The following MMS22L variants were observed in gnomAD, a reference collection of about 807,000 sequenced individuals.
MMS22L encodes MMS22 like, DNA repair protein, also known as protein MMS22-like.
A neutral mutation model predicts 159.1 loss-of-function variants in MMS22L; 74 were observed. The observed-to-expected ratio is 0.47, with a 90% CI of 0.39 to 0.56. The LOEUF (loss-of-function observed/expected upper bound fraction) is 0.56. Among genes scored for constraint, MMS22L ranks in the 20% least tolerant of loss-of-function variants. MMS22L has a pLI of 0.00. For synonymous variants in MMS22L, 517 were observed against 506.9 expected, an observed-to-expected ratio of 1.02 and a Z score of -0.27; for missense variants, 1,351 against 1,422.1, an observed-to-expected ratio of 0.95 and a Z score of 0.80.
chr6:97,189,565 AAAAAAAAAAAAAAAGAATAATTAATT>A (rs1471935336), intron 14 of MMS22L, among the ~76,000 whole-genome samples: 1 of 148,702 alleles, frequency 6.7e-6, no homozygotes, highest in East Asian at 1.9e-4. Flanking sequence ...AAAAAAAAAA[AAAAAAAAAAAAAAAGAATAATTAATT>A]AAAAAAAAAA....
intron 14 of MMS22L, among the ~76,000 whole-genome samples, chr6:97,195,824 C>T (rs184371743): frequency 6.6e-6 from 1 of 152,170 alleles, no homozygotes; most frequent in African/African-American, 2.4e-5. Context: ...AATTAAGAAG[C>T]TTCTGTAAAC....
At chr6:97,222,674 C>T (rs1004131881) in intron 14 of MMS22L, among the ~76,000 whole-genome samples, 7 of 151,982 alleles carry the variant, frequency 4.6e-5, no homozygotes, top group Non-Finnish European at 8.8e-5. Context: ...TTTGAAATCA[C>T]TCACCCTTAC....
intron 14 of MMS22L, among the ~76,000 whole-genome samples, chr6:97,210,686 T>C (rs1420827281): frequency 1.3e-5 from 2 of 151,970 alleles, no homozygotes; most frequent in Non-Finnish European, 2.9e-5. Flanking sequence ...TTAGTCCATA[T>C]AGAAATCATG....
intron 14 of MMS22L, among the ~76,000 whole-genome samples, chr6:97,193,822 A>C (rs761854051): frequency 2.6e-5 from 4 of 151,968 alleles, no homozygotes; most frequent in Non-Finnish European, 4.4e-5. Context: ...GTGCAGTGGC[A>C]AGATCTCGGC....
chr6:97,186,630 CTG>C lies in MMS22L; in HGVS notation c.2098_2099del (p.Gln700ValfsTer6), dbSNP rs1805266656. On this transcript the variant is annotated frameshift_variant, in exon 15 of 25. Transcript: ENST00000683635. LOFTEE classifies it high-confidence loss of function. ...GGCGCTCTTTAGCCGATAATGAAGA[CTG>C]TACAAATAGGTCCACATTGTCCCTT... ...LQRDNVDLFV[Q>X]SSLSAKERHL... 3 of 1,610,354 alleles carry C rather than the reference CTG, an allele frequency of 1.9e-6. No individual in the cohort carries two copies. The highest frequency in any genetic ancestry group is 2.5e-6 in the Non-Finnish European group (3 of 1,178,448).
intron 15 of MMS22L, among the ~76,000 whole-genome samples, chr6:97,184,576 T>A (rs1438242512): frequency 1.3e-5 from 2 of 152,158 alleles, no homozygotes; most frequent in African/African-American, 4.8e-5. Flanking sequence ...CAAATGGCTA[T>A]AGTTACCCTT....
intron 14 of MMS22L, among the ~76,000 whole-genome samples, chr6:97,188,826 A>G (rs888839382): frequency 1.3e-5 from 2 of 152,012 alleles, no homozygotes; most frequent in African/African-American, 4.8e-5. Flanking sequence ...GCCGGGCATG[A>G]TGGTACACGC....
chr6:97,268,750 A>G (rs988516799), intron 7 of MMS22L, among the ~76,000 whole-genome samples: 3 of 152,180 alleles, frequency 2.0e-5, no homozygotes, highest in Non-Finnish European at 4.4e-5. Flanking sequence ...ACTTATCAGA[A>G]TAAGTCCACT....
At chr6:97,163,127 T>A (rs910802475) in intron 21 of MMS22L, among the ~76,000 whole-genome samples, 1 of 152,050 alleles carries the variant, frequency 6.6e-6, no homozygotes, top group Non-Finnish European at 1.5e-5. Flanking sequence ...TTTTGTTTAC[T>A]GCTGAATTCC....
intron 14 of MMS22L, among the ~76,000 whole-genome samples, chr6:97,225,957 T>C (rs1164194664): frequency 3.3e-5 from 5 of 152,158 alleles, no homozygotes; most frequent in African/African-American, 1.2e-4. Flanking sequence ...ACATTATCAG[T>C]GAGAGTAAAA....
chr6:97,266,658 G>C (rs1449991163), intron 8 of MMS22L: 3 of 152,128 alleles, frequency 2.0e-5, no homozygotes, highest in Non-Finnish European at 4.4e-5. Context: ...CTACTATTCA[G>C]CCTTGAGAAG....
intron 14 of MMS22L, among the ~76,000 whole-genome samples, chr6:97,216,883 C>T (rs1357882676): frequency 1.3e-5 from 2 of 152,216 alleles, no homozygotes; most frequent in African/African-American, 4.8e-5. Flanking sequence ...ATTCCAGTGG[C>T]TGGTAAAGAA....
chr6:97,271,287 C>T (rs1815711458), intron 6 of MMS22L: 1 of 152,088 alleles, frequency 6.6e-6, no homozygotes, highest in Non-Finnish European at 1.5e-5. Flanking sequence ...TTCTGAGCTT[C>T]AAATAACCTA....
At chr6:97,225,654 G>A (rs1395477071) in intron 14 of MMS22L, among the ~76,000 whole-genome samples, 1 of 150,594 alleles carries the variant, frequency 6.6e-6, no homozygotes, top group African/African-American at 2.5e-5. Flanking sequence ...CTCACTGCAA[G>A]CTCCGCCTCC....
In MMS22L at chr6:97,144,909, A is replaced by C. The variant is rs3798287; in HGVS notation, c.*1897T>G. 1 of 152,036 alleles carries C rather than the reference A, an allele frequency of 6.6e-6. No individual in the cohort carries two copies. The highest frequency in any genetic ancestry group is 1.5e-5 in the Non-Finnish European group (1 of 67,980). 9.4% of individuals were successfully genotyped at this position (152,036 alleles called of 1,614,324 possible). A position where few individuals can be genotyped will look rare whatever the true frequency, so the allele number is the denominator to read the frequency against. On this transcript the variant is annotated 3_prime_UTR_variant, in exon 25 of 25. Transcript: ENST00000683635. ...TTAGTTATTCTTAGTATCTATAGAT[A>C]TATGTCCTAAAGCATGATTCAGTAG...
intron 14 of MMS22L, among the ~76,000 whole-genome samples, chr6:97,197,892 T>C (rs1019961782): frequency 2.0e-5 from 3 of 152,154 alleles, no homozygotes; most frequent in African/African-American, 7.2e-5. Context: ...TTAATTTTCT[T>C]CCTCCTCCCA....
intron 14 of MMS22L, among the ~76,000 whole-genome samples, chr6:97,194,810 G>A (rs1411705931): frequency 6.6e-6 from 1 of 152,170 alleles, no homozygotes; most frequent in East Asian, 1.9e-4. Flanking sequence ...GGATAGGTAA[G>A]GAGTGTTTAG....
intron 14 of MMS22L, among the ~76,000 whole-genome samples, chr6:97,212,148 C>T (rs1421856120): frequency 6.6e-6 from 1 of 152,150 alleles, no homozygotes; most frequent in East Asian, 1.9e-4. Flanking sequence ...CTGTGGGGCA[C>T]TTAAGAGCAG....
At chr6:97,156,100 C>G (rs946472463) in intron 22 of MMS22L, among the ~76,000 whole-genome samples, 1 of 152,050 alleles carries the variant, frequency 6.6e-6, no homozygotes, top group South Asian at 2.1e-4. Context: ...AGCATTTTTT[C>G]GTAAGTTTTT....
Sources: gnomAD v4.1 joint callset for allele counts (sites outside exome capture counted in the v4.1 genomes callset) on GRCh38, gnomAD v4.1.1 for gene constraint, MANE v1.5 for transcripts, NCBI Gene and HGNC (gene_info 2026-07-23, HGNC 2026-07-21) for gene names.